The following DPP10 variants were observed in gnomAD, a reference collection of about 807,000 sequenced individuals.
DPP10 encodes the protein dipeptidyl peptidase like 10.
A neutral mutation model predicts 120.9 loss-of-function variants in DPP10; 33 were observed. That is an observed-to-expected ratio of 0.27 (90% CI 0.21 to 0.37). DPP10 has a LOEUF of 0.37. Among genes scored for constraint, DPP10 ranks in the 10% least tolerant of loss-of-function variants. The pLI, the probability that DPP10 is intolerant of heterozygous loss-of-function variation, is 1.00. For missense variants in DPP10, 816 were observed against 942.8 expected (o/e 0.87, Z 1.76); for synonymous variants, 337 against 326.1 (o/e 1.03, Z -0.36).
At chr2:114,770,487 G>A (rs989549793) in intron 1 of DPP10, among the ~76,000 whole-genome samples, 1 of 152,140 alleles carries the variant, frequency 6.6e-6, no homozygotes, top group Non-Finnish European at 1.5e-5. Flanking sequence ...GGTGGTAAGA[G>A]AGTGAATGGA....
chr2:114,499,333 T>C (rs974489877), intron 1 of DPP10, among the ~76,000 whole-genome samples: 1 of 152,192 alleles, frequency 6.6e-6, no homozygotes, highest in Non-Finnish European at 1.5e-5. Flanking sequence ...GCTGTTAGAA[T>C]GTGTAGATGC....
At chr2:114,840,957 G>A (rs1385058105) in intron 1 of DPP10, among the ~76,000 whole-genome samples, 3 of 152,042 alleles carry the variant, frequency 2.0e-5, no homozygotes, top group African/African-American at 7.2e-5. Context: ...CATTAAACTG[G>A]CAAGCTTCCC....
chr2:115,010,807 A>T (rs1415751906), intron 1 of DPP10, among the ~76,000 whole-genome samples: 1 of 152,134 alleles, frequency 6.6e-6, no homozygotes, highest in Non-Finnish European at 1.5e-5. Flanking sequence ...GTCCCTCAGT[A>T]CTCCACAAAC....
chr2:115,560,231 T>TGTG (rs1472401202), intron 5 of DPP10, among the ~76,000 whole-genome samples: 1 of 147,684 alleles, frequency 6.8e-6, no homozygotes, highest in Non-Finnish European at 1.5e-5. Flanking sequence ...ATTAGCCAGG[T>TGTG]GTGGTGGCTG....
intron 3 of DPP10, among the ~76,000 whole-genome samples, chr2:115,465,344 TA>T (rs1316241747): frequency 6.6e-6 from 1 of 152,154 alleles, no homozygotes; most frequent in Non-Finnish European, 1.5e-5. Flanking sequence ...ACAGATTTTA[TA>T]GGCTTTGGAA....
intron 19 of DPP10, among the ~76,000 whole-genome samples, chr2:115,807,647 G>A (rs1263807170): frequency 2.6e-5 from 4 of 152,016 alleles, no homozygotes; most frequent in Non-Finnish European, 2.9e-5. Flanking sequence ...GCCTTTGGCC[G>A]ATAATAGTTC....
intron 19 of DPP10, among the ~76,000 whole-genome samples, chr2:115,801,527 T>C (rs1322719116): frequency 6.6e-6 from 1 of 152,202 alleles, no homozygotes; most frequent in Non-Finnish European, 1.5e-5. Context: ...TCAAAGGGAA[T>C]ACTTCCAGTT....
At chr2:114,692,401 A>C (rs1403102590) in intron 1 of DPP10, among the ~76,000 whole-genome samples, 3 of 151,894 alleles carry the variant, frequency 2.0e-5, no homozygotes, top group African/African-American at 7.2e-5. Context: ...CTTTGAGTGA[A>C]TTTCTTGATC....
chr2:115,430,405 A>C (rs2070863571), intron 3 of DPP10, among the ~76,000 whole-genome samples: 1 of 152,190 alleles, frequency 6.6e-6, no homozygotes, highest in South Asian at 2.1e-4. Context: ...ACATAAAAAC[A>C]AGTTTATCTG....
At chr2:115,250,075 TTTTCTC>T (rs2058691400) in intron 1 of DPP10, among the ~76,000 whole-genome samples, 1 of 152,184 alleles carries the variant, frequency 6.6e-6, no homozygotes, top group Non-Finnish European at 1.5e-5. Flanking sequence ...TTTTTTTTCT[TTTTCTC>T]TTTTTCTTCT....
chr2:115,070,248 T>G (rs1028292724), intron 1 of DPP10, among the ~76,000 whole-genome samples: 2 of 152,154 alleles, frequency 1.3e-5, no homozygotes, highest in Non-Finnish European at 2.9e-5. Context: ...AGCCATTATT[T>G]CTTAACACAC....
intron 1 of DPP10, among the ~76,000 whole-genome samples, chr2:114,715,445 C>A (rs995528151): frequency 6.6e-6 from 1 of 151,978 alleles, no homozygotes; most frequent in South Asian, 2.1e-4. Context: ...TTAAGACACT[C>A]TTTTCCACAG....
chr2:114,626,518 G>A (rs928272673), intron 1 of DPP10, among the ~76,000 whole-genome samples: 26 of 151,926 alleles, frequency 1.7e-4, no homozygotes, highest in African/African-American at 5.1e-4. Flanking sequence ...GAGCTGCCAC[G>A]TTTCACCAAG....
At chr2:115,213,220 T>C (rs2056627553) in intron 1 of DPP10, among the ~76,000 whole-genome samples, 1 of 152,202 alleles carries the variant, frequency 6.6e-6, no homozygotes, top group African/African-American at 2.4e-5. Flanking sequence ...ATTTTTACTT[T>C]ACATATTTTG....
chr2:114,462,858 C>T (rs919720978), intron 1 of DPP10, among the ~76,000 whole-genome samples: 5 of 152,184 alleles, frequency 3.3e-5, no homozygotes, highest in African/African-American at 1.2e-4. Context: ...TTCCTCTTCT[C>T]CCACCCCCTG....
intron 3 of DPP10, chr2:115,468,188 G>A: frequency 6.1e-6 from 3 of 492,578 alleles, no homozygotes; most frequent in South Asian, 1.5e-5. Context: ...GAAAAGTGAT[G>A]GCATCTATAT....
At chr2:115,015,292 A>C (rs150057569) in intron 1 of DPP10, among the ~76,000 whole-genome samples, 434 of 152,294 alleles carry the variant, frequency 2.8e-3, no homozygotes, top group African/African-American at 9.6e-3. Context: ...CCTTCGATAA[A>C]ATTCAACAGC....
At chr2:114,446,523 C>G (rs1268660307) in intron 1 of DPP10, among the ~76,000 whole-genome samples, 1 of 152,138 alleles carries the variant, frequency 6.6e-6, no homozygotes, top group Non-Finnish European at 1.5e-5. Flanking sequence ...CTTCCTCTTT[C>G]TCTTTCCTTT....
At chr2:114,542,848 T>C (rs887099674) in intron 1 of DPP10, among the ~76,000 whole-genome samples, 1 of 152,178 alleles carries the variant, frequency 6.6e-6, no homozygotes, top group East Asian at 1.9e-4. Flanking sequence ...TTTATCAAGA[T>C]TGGGATCTGC....
Sources: gnomAD v4.1 joint callset for allele counts (sites outside exome capture counted in the v4.1 genomes callset) on GRCh38, gnomAD v4.1.1 for gene constraint, MANE v1.5 for transcripts, NCBI Gene and HGNC (gene_info 2026-07-23, HGNC 2026-07-21) for gene names.